The following MSN variants were observed in gnomAD, a reference collection of about 807,000 sequenced individuals.
MSN encodes the protein epididymis luminal protein 70.
MSN carries 2 observed loss-of-function variants against 48.0 expected under a neutral mutation model. That is an observed-to-expected ratio of 0.04 (90% CI 0.02 to 0.13). The LOEUF (loss-of-function observed/expected upper bound fraction) is 0.13, where lower values mean the gene tolerates loss of function less well. Among genes scored for constraint, MSN ranks in the 10% least tolerant of loss-of-function variants. The pLI is 1.00. For synonymous variants in MSN, 146 were observed against 166.9 expected (o/e 0.87, Z 0.97); for missense variants, 267 against 470.1 (o/e 0.57, Z 3.99).
chrX:65,719,502 G>A (rs917591391), intron 2 of MSN, among the ~76,000 whole-genome samples: 5 of 111,940 alleles, frequency 4.5e-5, no homozygotes, highest in African/African-American at 1.6e-4. Context: ...GGTAGGGCTA[G>A]CTGGCAGGGG....
intron 1 of MSN, among the ~76,000 whole-genome samples, chrX:65,627,277 T>A (rs1195720915): frequency 1.5e-4 from 16 of 109,019 alleles, no homozygotes; most frequent in African/African-American, 5.3e-4. Flanking sequence ...AATACATATG[T>A]ATTAGTCCAT....
At chrX:65,645,848 A>T (rs1042613651) in intron 1 of MSN, among the ~76,000 whole-genome samples, 1 of 111,634 alleles carries the variant, frequency 9.0e-6, no homozygotes, top group Non-Finnish European at 1.9e-5. Flanking sequence ...TAGGGCTTCT[A>T]ATCACTAATT....
chrX:65,607,629 A>C (rs942954988), intron 1 of MSN, among the ~76,000 whole-genome samples: 12 of 111,259 alleles, frequency 1.1e-4, no homozygotes, highest in Non-Finnish European at 2.3e-4. Context: ...CAGAACAAGT[A>C]CCCAATTGTC....
intron 1 of MSN, among the ~76,000 whole-genome samples, chrX:65,680,696 A>G (rs2071045993): frequency 9.0e-6 from 1 of 111,297 alleles, no homozygotes; most frequent in Admixed American, 9.5e-5. Flanking sequence ...CAAGTAAGCT[A>G]TACCCGTCCT....
intron 1 of MSN, among the ~76,000 whole-genome samples, chrX:65,648,204 G>A (rs931479356): frequency 1.8e-5 from 2 of 111,902 alleles, no homozygotes; most frequent in Non-Finnish European, 3.8e-5. Context: ...ACAAGTTTGA[G>A]GAGAGGAATG....
In MSN at chrX:65,738,624, C is replaced by G; in HGVS notation, c.1344+7C>G. On this transcript the variant is annotated splice_region_variant and intron_variant, in intron 11 of 12. Coordinates refer to ENST00000360270, the MANE Select transcript of MSN (RefSeq NM_002444.3). ...TGTGGAGTGGCAGCAGAAGGTAAGA[C>G]ACAGGGCCTAAAGCAAAGCATTGAA... is the stretch of plus-strand genomic sequence containing the variant. 2 of 1,197,243 alleles carry G rather than the reference C, an allele frequency of 1.7e-6. No individual in the cohort carries two copies. Among genetic ancestry groups the G allele is most frequent in the Admixed American group, 2.2e-5 (1 of 45,514 alleles).
intron 1 of MSN, among the ~76,000 whole-genome samples, chrX:65,637,475 T>C (rs1313252635): frequency 5.5e-5 from 6 of 109,779 alleles, no homozygotes; most frequent in Admixed American, 1.9e-4. Context: ...CCTACTCCTA[T>C]CCAAAGATAG....
intron 2 of MSN, among the ~76,000 whole-genome samples, chrX:65,722,688 G>A (rs1218503550): frequency 9.0e-6 from 1 of 110,878 alleles, no homozygotes; most frequent in Non-Finnish European, 1.9e-5. Flanking sequence ...CCAAAATGCT[G>A]GGATTACAGG....
intron 1 of MSN, among the ~76,000 whole-genome samples, chrX:65,699,166 G>T (rs766908178): frequency 7.1e-5 from 8 of 112,039 alleles, no homozygotes; most frequent in Non-Finnish European, 1.5e-4. Flanking sequence ...GAAGCTGTTA[G>T]AAATGTAATA....
At chrX:65,685,877 C>T (rs764241246) in intron 1 of MSN, among the ~76,000 whole-genome samples, 2 of 112,772 alleles carry the variant, frequency 1.8e-5, no homozygotes, top group Non-Finnish European at 3.7e-5. Flanking sequence ...TGAGCCACCA[C>T]GCCTCAGCCA....
At chrX:65,667,948 C>T (rs906616479) in intron 1 of MSN, 95 bp downstream of exon 1, 3 of 965,714 alleles carry the variant, frequency 3.1e-6, no homozygotes, top group African/African-American at 1.9e-5. Flanking sequence ...GCCACCGGCC[C>T]GCCTGGGACG....
intron 1 of MSN, chrX:65,625,175 C>T (rs2070494300): frequency 8.9e-6 from 1 of 112,416 alleles, no homozygotes; most frequent in African/African-American, 3.2e-5. Flanking sequence ...TTTATTGGGA[C>T]TTGTTTTATG....
intron 1 of MSN, among the ~76,000 whole-genome samples, chrX:65,675,570 T>C (rs1479364407): frequency 9.0e-6 from 1 of 111,287 alleles, no homozygotes; most frequent in African/African-American, 3.3e-5. Context: ...GATCCAACAA[T>C]CCTTTCTTAA....
At chrX:65,595,930 A>G (rs2070183365) in intron 1 of MSN, among the ~76,000 whole-genome samples, 1 of 111,736 alleles carries the variant, frequency 8.9e-6, no homozygotes, top group East Asian at 2.8e-4. Context: ...CAAATGCCTC[A>G]TTTTATAGTT....
intron 1 of MSN, among the ~76,000 whole-genome samples, chrX:65,712,561 T>C (rs915253225): frequency 9.1e-5 from 10 of 109,731 alleles, no homozygotes; most frequent in Non-Finnish European, 1.7e-4. Flanking sequence ...TTTTTTTTTT[T>C]TTTAGTTTAA....
chrX:65,642,545 A>T (rs2070665429), intron 1 of MSN, among the ~76,000 whole-genome samples: 1 of 112,094 alleles, frequency 8.9e-6, no homozygotes, highest in Admixed American at 9.5e-5. Flanking sequence ...GTCTGTCCAG[A>T]GGGAAGCAAG....
chrX:65,738,550 C>A lies in MSN; in HGVS notation c.1277C>A (p.Ala426Asp). The A allele has an allele frequency of 8.3e-7, 1 of 1,208,305 alleles. No homozygotes were observed. Among genetic ancestry groups the A allele is most frequent in the Non-Finnish European group, 1.1e-6 (1 of 893,763 alleles). Residue 426 changes from alanine to aspartate, a missense_variant, in exon 11 of 13, where the codon GCT becomes GAT. Ala to Asp is a moderately radical substitution (Grantham distance 126). Coordinates refer to ENST00000360270, the MANE Select transcript of MSN (RefSeq NM_002444.3). ...GCCTTGGAAATGGCAGAGCTGACAG[C>A]TCGAATCTCCCAGCTGGAGATGGCC... ...QLALEMAELT[A>D]RISQLEMARQ...
At chrX:65,643,004 A>G (rs986565098) in intron 1 of MSN, among the ~76,000 whole-genome samples, 1 of 110,166 alleles carries the variant, frequency 9.1e-6, no homozygotes, top group Non-Finnish European at 1.9e-5. Flanking sequence ...CCCTTATCTC[A>G]GAGCATCTGA....
intron 1 of MSN, among the ~76,000 whole-genome samples, chrX:65,599,520 C>A (rs917281582): frequency 8.9e-5 from 10 of 111,945 alleles, no homozygotes; most frequent in African/African-American, 3.2e-4. Flanking sequence ...GTAGTCCCAA[C>A]TACTCGGTAG....
Sources: gnomAD v4.1 joint callset for allele counts (sites outside exome capture counted in the v4.1 genomes callset) on GRCh38, gnomAD v4.1.1 for gene constraint, MANE v1.5 for transcripts, NCBI Gene and HGNC (gene_info 2026-07-23, HGNC 2026-07-21) for gene names.